The following PAPPA2 variants were observed in gnomAD, a reference collection of about 807,000 sequenced individuals.
The protein encoded by PAPPA2 is pappalysin-2.
In PAPPA2, 86 loss-of-function variants were observed where a neutral mutation model predicts 176.4. The observed-to-expected ratio is 0.49, with a 90% CI of 0.41 to 0.58. The LOEUF (loss-of-function observed/expected upper bound fraction) is 0.58. Ranked by LOEUF, PAPPA2 falls within the 20% of genes least tolerant of loss-of-function variation. The pLI is 0.00. For missense variants in PAPPA2, 2,073 were observed against 2,256.9 expected, an observed-to-expected ratio of 0.92 and a Z score of 1.65; for synonymous variants, 809 against 852.2, an observed-to-expected ratio of 0.95 and a Z score of 0.88.
At chr1:176,641,610 G>T (rs1432637476) in intron 3 of PAPPA2, among the ~76,000 whole-genome samples, 1 of 152,092 alleles carries the variant, frequency 6.6e-6, no homozygotes, top group East Asian at 1.9e-4. Flanking sequence ...AGTATAGTTT[G>T]AAGTCAGGTA....
chr1:176,509,854 A>G (rs1648481113), intron 1 of PAPPA2, among the ~76,000 whole-genome samples: 1 of 143,724 alleles, frequency 7.0e-6, no homozygotes, highest in South Asian at 2.3e-4. Flanking sequence ...AACAAAACAA[A>G]CAAACAAAAA....
intron 3 of PAPPA2, among the ~76,000 whole-genome samples, chr1:176,602,216 T>A (rs1276038350): frequency 6.6e-6 from 1 of 152,200 alleles, no homozygotes; most frequent in African/African-American, 2.4e-5. Flanking sequence ...TCATTGTCTC[T>A]TCTTTGCCTC....
intron 17 of PAPPA2, among the ~76,000 whole-genome samples, chr1:176,780,182 AGT>A (rs771475736): frequency 2.0e-5 from 3 of 152,150 alleles, no homozygotes; most frequent in Non-Finnish European, 2.9e-5. Context: ...TGAGGGTGTG[AGT>A]GTGTGTATAT....
At chr1:176,566,956 G>A (rs908235321) in intron 2 of PAPPA2, among the ~76,000 whole-genome samples, 1 of 152,140 alleles carries the variant, frequency 6.6e-6, no homozygotes, top group Non-Finnish European at 1.5e-5. Flanking sequence ...AGTTCCTGAT[G>A]TCATAAACAA....
chr1:176,634,813 GA>G (rs1180619253), intron 3 of PAPPA2, among the ~76,000 whole-genome samples: 7 of 139,206 alleles, frequency 5.0e-5, no homozygotes, highest in Admixed American at 5.0e-4. Context: ...TAGATAGATA[GA>G]TAGATAGATA....
chr1:176,492,688 A>C (rs2102495580), intron 1 of PAPPA2, among the ~76,000 whole-genome samples: 1 of 152,298 alleles, frequency 6.6e-6, no homozygotes, highest in South Asian at 2.1e-4. Context: ...ATTTGAAAGT[A>C]AGCTAGCTCA....
intron 3 of PAPPA2, among the ~76,000 whole-genome samples, chr1:176,665,479 C>T (rs950913111): frequency 6.6e-6 from 1 of 152,184 alleles, no homozygotes; most frequent in Non-Finnish European, 1.5e-5. Flanking sequence ...ATGGTGCTGA[C>T]GTCCCTTAAT....
chr1:176,661,263 C>G (rs1658344752), intron 3 of PAPPA2, among the ~76,000 whole-genome samples: 1 of 152,000 alleles, frequency 6.6e-6, no homozygotes, highest in Non-Finnish European at 1.5e-5. Context: ...ACCACTGTAG[C>G]TATTTTAACC....
intron 4 of PAPPA2, among the ~76,000 whole-genome samples, chr1:176,683,085 C>G (rs961372602): frequency 6.6e-6 from 1 of 151,424 alleles, no homozygotes; most frequent in Non-Finnish European, 1.5e-5. Flanking sequence ...GAATCATTCT[C>G]TTTACCATGA....
chr1:176,500,852 C>T (rs1475958129), intron 1 of PAPPA2, among the ~76,000 whole-genome samples: 2 of 151,550 alleles, frequency 1.3e-5, no homozygotes, highest in East Asian at 1.9e-4. Context: ...AGAAGTCATC[C>T]GGAGGCAGCT....
At position 176,776,185 on chromosome 1, in the gene PAPPA2, C is replaced by T. The variant is rs149201207; in HGVS notation, c.4715+5005C>T. 3.6e-4 allele frequency among the ~76,000 whole-genome samples: 55 copies of T among 152,184 alleles called. 1 individual carries two copies. The highest frequency in any genetic ancestry group is 6.8e-3 in the Middle Eastern group (2 of 294). ...GTCAATAAAACCATATTATATTCTC[C>T]CTTATCTTTCACTTCCATGGTTGCC... On this transcript the variant is annotated intron_variant, in intron 17 of 22. Coordinates refer to ENST00000367662, the MANE Select transcript of PAPPA2 (RefSeq NM_020318.3).
chr1:176,648,888 A>G (rs1657555481), intron 3 of PAPPA2, among the ~76,000 whole-genome samples: 1 of 151,284 alleles, frequency 6.6e-6, no homozygotes, highest in African/African-American at 2.4e-5. Flanking sequence ...ATTGGCCTGT[A>G]GTTTTCTTTT....
chr1:176,511,539 G>A (rs553598424), intron 1 of PAPPA2, among the ~76,000 whole-genome samples: 1 of 152,298 alleles, frequency 6.6e-6, no homozygotes, highest in East Asian at 1.9e-4. Context: ...TTATGTGTCA[G>A]TTTAACTAGG....
At position 176,765,853 on chromosome 1, in the gene PAPPA2, A is replaced by G. The variant is rs545679103; in HGVS notation, c.4323+16A>G. 4.3e-6 allele frequency: 7 copies of G among 1,611,734 alleles called. No individual in the cohort carries two copies. In the East Asian group the frequency reaches 8.9e-5, roughly 21 times the overall value. The stretch of plus-strand genomic sequence containing the variant: ...GCCCATGCAGGTGAGTTGAAAGAAC[A>G]CTATCACCAGGACCAAGTTCCTGGG... On this transcript the variant is annotated intron_variant, in intron 15 of 22. Coordinates refer to ENST00000367662, the MANE Select transcript of PAPPA2 (RefSeq NM_020318.3).
chr1:176,695,618 C>T (rs1660338723), intron 6 of PAPPA2, 120 bp from the exon 7 acceptor site: 2 of 1,151,378 alleles, frequency 1.7e-6, no homozygotes, highest in African/African-American at 1.5e-5. Flanking sequence ...TAGTTACTCT[C>T]TAGGTCCTTA....
At position 176,463,290 on chromosome 1, in the gene PAPPA2, C is replaced by G. The variant is rs1340479310; in HGVS notation, c.-1045C>G. On this transcript the variant is annotated 5_prime_UTR_variant, in exon 1 of 23. Transcript: ENST00000367662. Reference sequence around the variant, plus strand: ...CAACTCATCCTTAAATTCCTTCTCACAACAGTGTCAAGAGCCTGGACGCCA... The same window carrying G: ...CAACTCATCCTTAAATTCCTTCTCAGAACAGTGTCAAGAGCCTGGACGCCA... 1 of 152,234 alleles carries G rather than the reference C, an allele frequency of 6.6e-6. No individual in the cohort carries two copies. Among genetic ancestry groups the G allele is most frequent in the African/African-American group, 2.4e-5 (1 of 41,468 alleles). The allele number at this position is 152,234 out of a possible 1,614,324, so 9.4% of individuals were successfully genotyped here.
intron 12 of PAPPA2, among the ~76,000 whole-genome samples, chr1:176,733,124 C>T (rs1453852559): frequency 1.3e-5 from 2 of 152,164 alleles, no homozygotes; most frequent in African/African-American, 2.4e-5. Flanking sequence ...ATTCCCTCCA[C>T]CCCCATCTGT....
intron 4 of PAPPA2, among the ~76,000 whole-genome samples, chr1:176,678,630 ATT>A (rs879898675): frequency 2.1e-5 from 3 of 145,452 alleles, no homozygotes; most frequent in African/African-American, 2.5e-5. Flanking sequence ...CATTTCAAAT[ATT>A]TTTTTTTTTT....
intron 15 of PAPPA2, among the ~76,000 whole-genome samples, chr1:176,766,296 G>A (rs1663961114): frequency 6.6e-6 from 1 of 152,172 alleles, no homozygotes; most frequent in Non-Finnish European, 1.5e-5. Context: ...CTGAGGCAGA[G>A]ATTCTGTCAT....
Sources: gnomAD v4.1 joint callset for allele counts (sites outside exome capture counted in the v4.1 genomes callset) on GRCh38, gnomAD v4.1.1 for gene constraint, MANE v1.5 for transcripts, NCBI Gene and HGNC (gene_info 2026-07-23, HGNC 2026-07-21) for gene names.